Variants in TBPL1 observed in about 807,000 individuals in gnomAD.
The protein encoded by TBPL1 is TATA box-binding protein-like 1.
In TBPL1, 4 loss-of-function variants were observed where a neutral mutation model predicts 22.1. The observed-to-expected ratio is 0.18, with a 90% CI of 0.09 to 0.41. TBPL1 has a LOEUF of 0.41. Among genes scored for constraint, TBPL1 ranks in the 10% least tolerant of loss-of-function variants. TBPL1 has a pLI of 1.00. For synonymous variants in TBPL1, 64 were observed against 71.0 expected, an observed-to-expected ratio of 0.90 and a Z score of 0.50; for missense variants, 115 against 222.3, an observed-to-expected ratio of 0.52 and a Z score of 3.07.
chr6:133,982,721 T>A, intron 3 of TBPL1, 71 bp downstream of exon 3: 1 of 1,587,410 alleles, frequency 6.3e-7, no homozygotes, highest in Non-Finnish European at 8.6e-7. Flanking sequence ...TTTCCTAGAC[T>A]TAACAGCAAA....
In TBPL1 at chr6:133,964,658, C is replaced by T. The variant is rs372440524; in HGVS notation, c.-45+11233C>T. Among the ~76,000 whole-genome samples, 12 of 151,994 alleles carry T rather than the reference C, an allele frequency of 7.9e-5. No homozygotes were observed. In the East Asian group the frequency reaches 2.3e-3, roughly 29 times the overall value. ...AGAGATGGGGTTTTACCGTGTTAGC[C>T]AGGATGGTCTCGATCTCCTGACCTC... On this transcript the variant is annotated intron_variant, in intron 1 of 6. Transcript: ENST00000237264.
At chr6:133,980,420 T>C (rs1001855906) in intron 2 of TBPL1, among the ~76,000 whole-genome samples, 160 bp downstream of exon 2, 6 of 152,188 alleles carry the variant, frequency 3.9e-5, no homozygotes, top group African/African-American at 1.4e-4. Flanking sequence ...ATCCCTCCTC[T>C]CATGGAGGTG....
chr6:133,980,005 A>T, intron 1 of TBPL1, 77 bp from the exon 2 acceptor site: 2 of 1,090,726 alleles, frequency 1.8e-6, no homozygotes, highest in Non-Finnish European at 1.2e-6. Flanking sequence ...TTCATTTTTT[A>T]CATTTCAATT....
intron 1 of TBPL1, among the ~76,000 whole-genome samples, chr6:133,972,381 G>A (rs1233528290): frequency 6.6e-6 from 1 of 152,138 alleles, no homozygotes; most frequent in Non-Finnish European, 1.5e-5. Context: ...ATGTTATACA[G>A]ACATTTTGTC....
intron 1 of TBPL1, among the ~76,000 whole-genome samples, chr6:133,957,458 G>T (rs995139428): frequency 6.6e-6 from 1 of 152,192 alleles, no homozygotes; most frequent in South Asian, 2.1e-4. Flanking sequence ...TAACTCACTA[G>T]GTGAGAACTT....
chr6:133,956,712 T>A (rs536184422), intron 1 of TBPL1, among the ~76,000 whole-genome samples: 1 of 152,218 alleles, frequency 6.6e-6, no homozygotes, highest in African/African-American at 2.4e-5. Flanking sequence ...ATGCCTAAAA[T>A]TTCAACTTTG....
At chr6:133,979,127 C>T (rs1239530812) in intron 1 of TBPL1, among the ~76,000 whole-genome samples, 1 of 152,124 alleles carries the variant, frequency 6.6e-6, no homozygotes, top group Non-Finnish European at 1.5e-5. Flanking sequence ...ATGCAAATTA[C>T]TTGGTAGAGC....
chr6:133,963,893 TAGCC>T (rs1465133557), intron 1 of TBPL1, among the ~76,000 whole-genome samples: 1 of 148,942 alleles, frequency 6.7e-6, no homozygotes, highest in Non-Finnish European at 1.5e-5. Context: ...AAAAAAAAAT[TAGCC>T]AGGCGTGGTG....
chr6:133,958,523 A>G (rs1775964849), intron 1 of TBPL1, among the ~76,000 whole-genome samples: 1 of 152,222 alleles, frequency 6.6e-6, no homozygotes, highest in South Asian at 2.1e-4. Context: ...TACTGAAGCT[A>G]CCTAATCAGG....
At position 133,984,632 on chromosome 6, in the gene TBPL1, A is replaced by G; in HGVS notation, c.442A>G (p.Thr148Ala). 6.2e-7 allele frequency: 1 copy of G among 1,613,048 alleles called. No homozygotes were observed. The highest frequency in any genetic ancestry group is 8.5e-7 in the Non-Finnish European group (1 of 1,179,858). Residue 148 changes from threonine to alanine, a missense_variant, in exon 6 of 7, where the codon ACA becomes GCA. Physicochemically the swap from Thr to Ala is moderately conservative, Grantham distance 58. Transcript: ENST00000237264. ...CTATCGGATAAAATCTCTAAGAGCT[A>G]CATTACAGATTTTTTCAACAGGAAG... Reference protein sequence around the residue: ...VCYRIKSLRATLQIFSTGSIT... With the variant: ...VCYRIKSLRAALQIFSTGSIT...
intron 1 of TBPL1, among the ~76,000 whole-genome samples, chr6:133,970,865 T>G (rs1776208505): frequency 6.6e-6 from 1 of 152,212 alleles, no homozygotes; most frequent in African/African-American, 2.4e-5. Flanking sequence ...TACATATTTA[T>G]GAGGTACAGA....
At chr6:133,980,551 G>A (rs1237532136) in intron 2 of TBPL1, among the ~76,000 whole-genome samples, 1 of 151,978 alleles carries the variant, frequency 6.6e-6, no homozygotes, top group African/African-American at 2.4e-5. Context: ...ATTCGCACAT[G>A]TACCTATTCA....
chr6:133,966,621 A>T (rs1411588308), intron 1 of TBPL1, among the ~76,000 whole-genome samples: 7 of 151,998 alleles, frequency 4.6e-5, no homozygotes, highest in Non-Finnish European at 7.4e-5. Flanking sequence ...CGAATTGTTA[A>T]CCCCTCCTAC....
At chr6:133,966,598 A>G (rs6902440) in intron 1 of TBPL1, among the ~76,000 whole-genome samples, 21,813 of 152,108 alleles carry the variant, frequency 0.14, 2,018 homozygotes, top group African/African-American at 0.27. Context: ...CTTCAGTTCA[A>G]AATGTCCAAA....
intron 1 of TBPL1, among the ~76,000 whole-genome samples, chr6:133,974,441 C>T (rs1333315413): frequency 6.6e-6 from 1 of 152,204 alleles, no homozygotes; most frequent in African/African-American, 2.4e-5. Flanking sequence ...TCAAGCAATT[C>T]TCCTTCCTCA....
At position 133,960,886 on chromosome 6, in the gene TBPL1, A is replaced by G. The variant is rs185096892; in HGVS notation, c.-45+7461A>G. Among the ~76,000 whole-genome samples, 451 of 152,360 alleles carry G rather than the reference A, an allele frequency of 3.0e-3. 2 individuals are homozygous for G. Among genetic ancestry groups the G allele is most frequent in the African/African-American group, 8.1e-3 (336 of 41,578 alleles). On this transcript the variant is annotated intron_variant, in intron 1 of 6. Coordinates refer to ENST00000237264, the MANE Select transcript of TBPL1 (RefSeq NM_004865.4). Reference sequence around the variant, plus strand: ...TTCAGAGGATGAGAAAAGGGAATATAAAAAATGCTGAAGGTCAGTAGGTGT... The same window carrying G: ...TTCAGAGGATGAGAAAAGGGAATATGAAAAATGCTGAAGGTCAGTAGGTGT...
chr6:133,981,052 A>G (rs1279861701), intron 2 of TBPL1, among the ~76,000 whole-genome samples: 1 of 146,858 alleles, frequency 6.8e-6, no homozygotes, highest in East Asian at 2.0e-4. Flanking sequence ...AGCTCACTGC[A>G]ACCTCTGCCT....
chr6:133,986,169 T>C (rs1374290932), intron 6 of TBPL1, among the ~76,000 whole-genome samples: 2 of 152,126 alleles, frequency 1.3e-5, no homozygotes, highest in East Asian at 1.9e-4. Context: ...CTGACCAAGA[T>C]AGGATGTGTG....
In TBPL1 at chr6:133,960,368, T is replaced by G. The variant is rs189592146; in HGVS notation, c.-45+6943T>G. Among the ~76,000 whole-genome samples, 25 of 151,552 alleles carry G rather than the reference T, an allele frequency of 1.6e-4. No individual in the cohort carries two copies. In the East Asian group the frequency reaches 4.8e-3, roughly 29 times the overall value. On this transcript the variant is annotated intron_variant, in intron 1 of 6. Transcript: ENST00000237264. ...ACAGATTAAAAAGCTATATTGCTAA[T>G]GGAAATCTGTAGGTCTCAGTATAGC...
Sources: gnomAD v4.1 joint callset for allele counts (sites outside exome capture counted in the v4.1 genomes callset) on GRCh38, gnomAD v4.1.1 for gene constraint, MANE v1.5 for transcripts, NCBI Gene and HGNC (gene_info 2026-07-23, HGNC 2026-07-21) for gene names.